SLC16A7: variants seen among roughly 807,000 people sequenced by gnomAD.
SLC16A7 encodes monocarboxylate transporter 2.
In SLC16A7, 33 loss-of-function variants were observed where a neutral mutation model predicts 34.9. The observed-to-expected ratio is 0.94, with a 90% CI of 0.72 to 1.26. The LOEUF is 1.26. SLC16A7 is among the 50% of genes most tolerant of loss of function. SLC16A7 has a pLI of 0.00. For synonymous variants in SLC16A7, 201 were observed against 206.6 expected, an observed-to-expected ratio of 0.97 and a Z score of 0.23; for missense variants, 573 against 578.1, an observed-to-expected ratio of 0.99 and a Z score of 0.09.
intron 2 of SLC16A7, among the ~76,000 whole-genome samples, chr12:59,704,370 A>G (rs1310063960): frequency 1.3e-5 from 2 of 152,128 alleles, no homozygotes; most frequent in African/African-American, 2.4e-5. Context: ...TTAGCCTTAA[A>G]CAGGAAGGAA....
chr12:59,674,575 G>A lies in SLC16A7; in HGVS notation c.-31+19325G>A, dbSNP rs138019517. The stretch of plus-strand genomic sequence containing the variant: ...AACTGCGCTAATATTTTTTGTCAGC[G>A]CACCAATGTTATATGTATAGGTAGT... On this transcript the variant is annotated intron_variant, in intron 2 of 5. Coordinates refer to ENST00000547379, the MANE Select transcript of SLC16A7 (RefSeq NM_001270623.2). Among the ~76,000 whole-genome samples the A allele has an allele frequency of 2.5e-3, 377 of 152,212 alleles. 1 individual carries two copies. The highest frequency in any genetic ancestry group is 8.5e-3 in the African/African-American group (353 of 41,534).
At chr12:59,659,419 C>T (rs1337533105) in intron 2 of SLC16A7, among the ~76,000 whole-genome samples, 2 of 152,038 alleles carry the variant, frequency 1.3e-5, no homozygotes, top group Non-Finnish European at 2.9e-5. Context: ...CCTAGCTTCC[C>T]ACCTTTGGTA....
At chr12:59,684,148 T>G (rs886369270) in intron 2 of SLC16A7, among the ~76,000 whole-genome samples, 1 of 152,144 alleles carries the variant, frequency 6.6e-6, no homozygotes, top group Non-Finnish European at 1.5e-5. Flanking sequence ...TGGCTCAAGA[T>G]AAAGGCAACT....
intron 1 of SLC16A7, among the ~76,000 whole-genome samples, chr12:59,651,091 G>A (rs1024245283): frequency 6.6e-6 from 1 of 152,048 alleles, no homozygotes; most frequent in Non-Finnish European, 1.5e-5. Context: ...AGACAAGCTC[G>A]GTACAATTTG....
intron 3 of SLC16A7, among the ~76,000 whole-genome samples, chr12:59,708,503 A>G (rs1484068317): frequency 6.6e-6 from 1 of 152,152 alleles, no homozygotes; most frequent in African/African-American, 2.4e-5. Flanking sequence ...GATGATTATA[A>G]AAAAAATTTG....
chr12:59,696,899 C>A (rs1387118413), intron 2 of SLC16A7, among the ~76,000 whole-genome samples: 1 of 151,670 alleles, frequency 6.6e-6, no homozygotes, highest in African/African-American at 2.4e-5. Flanking sequence ...AGTTATCATT[C>A]AAATCAAGGA....
At chr12:59,757,113 G>T in intron 3 of SLC16A7, among the ~76,000 whole-genome samples, 1 of 114,148 alleles carries the variant, frequency 8.8e-6, no homozygotes, top group African/African-American at 3.3e-5. Flanking sequence ...TTGTGGGGTG[G>T]GGGGAGGGGG....
At chr12:59,747,487 C>T (rs1297120995) in intron 3 of SLC16A7, among the ~76,000 whole-genome samples, 1 of 152,072 alleles carries the variant, frequency 6.6e-6, no homozygotes, top group Non-Finnish European at 1.5e-5. Flanking sequence ...TTGATTGTAT[C>T]ATTCTTTTCC....
intron 3 of SLC16A7, among the ~76,000 whole-genome samples, chr12:59,753,200 A>C (rs965877864): frequency 6.6e-6 from 1 of 152,202 alleles, no homozygotes; most frequent in Non-Finnish European, 1.5e-5. Flanking sequence ...GCATCAACTA[A>C]CGAGCAAAAT....
intron 1 of SLC16A7, among the ~76,000 whole-genome samples, chr12:59,617,178 T>C (rs1879491301): frequency 6.6e-6 from 1 of 152,070 alleles, no homozygotes; most frequent in Non-Finnish European, 1.5e-5. Context: ...TCTTTAGTCA[T>C]GGGAATATAT....
chr12:59,737,600 T>C (rs776146483), intron 3 of SLC16A7, among the ~76,000 whole-genome samples: 3 of 152,178 alleles, frequency 2.0e-5, no homozygotes, highest in Non-Finnish European at 2.9e-5. Flanking sequence ...GGTAAATTGA[T>C]AGGACTTTTT....
At chr12:59,640,237 C>T (rs1880618318) in intron 1 of SLC16A7, among the ~76,000 whole-genome samples, 1 of 151,994 alleles carries the variant, frequency 6.6e-6, no homozygotes, top group African/African-American at 2.4e-5. Flanking sequence ...TTGCTAGAAA[C>T]AAAGAAGACA....
At chr12:59,705,275 A>C (rs1873434249) in intron 3 of SLC16A7, among the ~76,000 whole-genome samples, 1 of 152,204 alleles carries the variant, frequency 6.6e-6, no homozygotes, top group Admixed American at 6.6e-5. Context: ...GATTTACTAA[A>C]TTATGGAATT....
chr12:59,703,285 G>A (rs1464223018), intron 2 of SLC16A7, among the ~76,000 whole-genome samples: 1 of 151,758 alleles, frequency 6.6e-6, no homozygotes, highest in Non-Finnish European at 1.5e-5. Flanking sequence ...AAATCAAAAG[G>A]GTTTGCCTTT....
intron 2 of SLC16A7, among the ~76,000 whole-genome samples, chr12:59,697,495 C>T (rs988507588): frequency 8.6e-5 from 13 of 151,962 alleles, no homozygotes; most frequent in East Asian, 3.9e-4. Flanking sequence ...TACTTCTTTC[C>T]GTTTTTCTGA....
At chr12:59,732,191 G>A (rs1447848821) in intron 3 of SLC16A7, among the ~76,000 whole-genome samples, 1 of 152,032 alleles carries the variant, frequency 6.6e-6, no homozygotes, top group South Asian at 2.1e-4. Context: ...GCCGAGGTGG[G>A]CAGATCACCT....
intron 1 of SLC16A7, among the ~76,000 whole-genome samples, chr12:59,601,508 A>G (rs898627283): frequency 6.6e-6 from 1 of 152,234 alleles, no homozygotes; most frequent in Non-Finnish European, 1.5e-5. Context: ...AGTCGGTGAC[A>G]GTATTTTTCA....
intron 3 of SLC16A7, among the ~76,000 whole-genome samples, chr12:59,753,940 G>A (rs1451806358): frequency 2.0e-5 from 3 of 152,130 alleles, no homozygotes; most frequent in Non-Finnish European, 4.4e-5. Context: ...CTAGAACTCA[G>A]GATTAAGAAA....
chr12:59,682,162 T>G (rs936035734), intron 2 of SLC16A7, among the ~76,000 whole-genome samples: 1 of 152,238 alleles, frequency 6.6e-6, no homozygotes, highest in African/African-American at 2.4e-5. Context: ...GCTTTTAAAC[T>G]AAATCCATTG....
Sources: gnomAD v4.1 joint callset for allele counts (sites outside exome capture counted in the v4.1 genomes callset) on GRCh38, gnomAD v4.1.1 for gene constraint, MANE v1.5 for transcripts, NCBI Gene and HGNC (gene_info 2026-07-23, HGNC 2026-07-21) for gene names.